Variants in MYH9 observed in about 807,000 individuals in gnomAD.
The protein encoded by MYH9 is myosin-9.
In MYH9, 29 loss-of-function variants were observed where a neutral mutation model predicts 241.9. That is an observed-to-expected ratio of 0.12 (90% confidence interval 0.09 to 0.16). The LOEUF (loss-of-function observed/expected upper bound fraction) is 0.16. MYH9 is among the 10% of genes least tolerant of loss of function. The pLI is 1.00. For missense variants in MYH9, 1,803 were observed against 2,595.5 expected, an observed-to-expected ratio of 0.69 and a Z score of 6.63; for synonymous variants, 1,047 against 1,062.6, an observed-to-expected ratio of 0.99 and a Z score of 0.29.
intron 3 of MYH9, among the ~76,000 whole-genome samples, chr22:36,339,742 T>C (rs1311543891): frequency 1.3e-5 from 2 of 152,128 alleles, no homozygotes. Context: ...TAATGGGACA[T>C]AACAAACCAC....
chr22:36,283,179 C>A (rs1180741026), intron 40 of MYH9, among the ~76,000 whole-genome samples: 2 of 152,150 alleles, frequency 1.3e-5, no homozygotes, highest in Non-Finnish European at 2.9e-5. Flanking sequence ...CAAAGACAGG[C>A]ACCCTCTTTC....
chr22:36,312,016 T>A, intron 14 of MYH9, 33 bp downstream of exon 14: 3 of 1,612,920 alleles, frequency 1.9e-6, no homozygotes, highest in Non-Finnish European at 2.5e-6. Flanking sequence ...CCTGTGAAGA[T>A]CTGGCCAGCA....
At chr22:36,304,649 A>G (rs557225919) in intron 18 of MYH9, among the ~76,000 whole-genome samples, 1 of 152,218 alleles carries the variant, frequency 6.6e-6, no homozygotes, top group Admixed American at 6.5e-5. Context: ...GAGGGAGGAG[A>G]AGCCCAGGTC....
In MYH9 at chr22:36,293,692, A is replaced by T; in HGVS notation, c.3942+67T>A. On this transcript the variant is annotated intron_variant, in intron 29 of 40. Transcript: ENST00000216181. This position sits in a 1 kb window ranked among gnomAD's most constrained non-coding sequence, Gnocchi z 5.1. ...GGGCAATCCGATGGGCTCTGAAGCT[A>T]ATGTTGCGTGGACACAGAGGCCTTT... The T allele has an allele frequency of 7.0e-7, 1 of 1,438,266 alleles. No individual in the cohort carries two copies. The highest frequency in any genetic ancestry group is 9.7e-7 in the Non-Finnish European group (1 of 1,029,804). 89.1% of individuals were successfully genotyped at this position (1,438,266 alleles called of 1,614,324 possible).
rs1193225792 is a variant in MYH9 at position 36,300,761 on chromosome 22, A to T, written c.2838+90T>A. ...TGAGGAGCAGCCTCCTTGGACCCTA[A>T]TTCCATGTTCTCCCAGCTCCTGGTT... On this transcript the variant is annotated intron_variant, in intron 22 of 40. Transcript: ENST00000216181. This position sits in a 1 kb window ranked among gnomAD's most constrained non-coding sequence, Gnocchi z 5.0. 1.4e-6 allele frequency: 2 copies of T among 1,472,716 alleles called. No homozygotes were observed. The highest frequency in any genetic ancestry group is 1.9e-6 in the Non-Finnish European group (2 of 1,071,336). 91.2% of individuals were successfully genotyped at this position (1,472,716 alleles called of 1,614,324 possible). A position where few individuals can be genotyped will look rare whatever the true frequency, so the allele number is the denominator to read the frequency against.
chr22:36,372,761 C>T (rs2018107843), intron 1 of MYH9, among the ~76,000 whole-genome samples: 1 of 152,074 alleles, frequency 6.6e-6, no homozygotes, highest in Non-Finnish European at 1.5e-5. Context: ...CCTGTTCGTG[C>T]CCTCGGTGGG....
chr22:36,364,470 T>C (rs1051191553), intron 1 of MYH9, among the ~76,000 whole-genome samples: 1 of 152,148 alleles, frequency 6.6e-6, no homozygotes, highest in Admixed American at 6.5e-5. Context: ...TCTTCTATCT[T>C]ATTGTCCAAA....
At chr22:36,384,505 C>T (rs565862008) in intron 1 of MYH9, among the ~76,000 whole-genome samples, 6 of 140,038 alleles carry the variant, frequency 4.3e-5, no homozygotes, top group Admixed American at 3.8e-4. Context: ...ATTGCTTGAA[C>T]CCAGGAGGAA....
At chr22:36,325,006 A>T in intron 5 of MYH9, 1 of 727,162 alleles carries the variant, frequency 1.4e-6, no homozygotes, top group Non-Finnish European at 2.6e-6. Context: ...CCCAAGAACC[A>T]GTCACATACT....
At position 36,290,844 on chromosome 22, in the gene MYH9, G is replaced by A. The variant is rs908100882; in HGVS notation, c.4344+1142C>T. ...AGTGCCTCTGCCCAGTGGCGACCCC[G>A]TCTGGGAGGTGAGGAGCATCTCTGC... On this transcript the variant is annotated intron_variant, in intron 31 of 40. Transcript: ENST00000216181. Among the ~76,000 whole-genome samples the A allele has an allele frequency of 7.9e-5, 12 of 151,132 alleles. 1 individual carries two copies. The highest frequency in any genetic ancestry group is 2.0e-4 in the East Asian group (1 of 5,100).
At chr22:36,311,436 G>A (rs755465489) in intron 14 of MYH9, among the ~76,000 whole-genome samples, 9 of 152,076 alleles carry the variant, frequency 5.9e-5, no homozygotes, top group Non-Finnish European at 1.0e-4. Context: ...ACTAAGGACG[G>A]TGCTCCTAAC....
At chr22:36,312,623 A>G (rs943066406) in intron 13 of MYH9, among the ~76,000 whole-genome samples, 3 of 152,184 alleles carry the variant, frequency 2.0e-5, no homozygotes, top group Admixed American at 1.3e-4. Context: ...CTGCATGTCT[A>G]TGATGAGATG....
rs770237894 is a variant in MYH9, at chr22:36,300,183, T to G, written c.2920A>C (p.Lys974Gln). ...ATGATCTGCTCCTCCTCCAGCTTTTTCAGCTTCGCCTCGGTGGTCACCTTC... is the reference window on the plus strand; with the variant it reads ...ATGATCTGCTCCTCCTCCAGCTTTTGCAGCTTCGCCTCGGTGGTCACCTTC... Reference protein sequence around the residue: ...LEKVTTEAKLKKLEEEQIILE... With the variant: ...LEKVTTEAKLQKLEEEQIILE... The change falls in exon 23 of 41, where the codon AAA becomes CAA. Residue 974 changes from lysine (K) to glutamine (Q), a missense_variant. Lys to Gln is a moderately conservative substitution (Grantham distance 53). This residue lies in a region of MYH9 where 290 missense variants were observed against 360.5 expected (regional missense o/e 0.80). Coordinates refer to ENST00000216181, the MANE Select transcript of MYH9 (RefSeq NM_002473.6). This position sits in a 1 kb window ranked among gnomAD's most constrained non-coding sequence, Gnocchi z 5.0. The G allele has an allele frequency of 2.0e-5, 32 of 1,613,274 alleles. No individual in the cohort carries two copies. The South Asian group carries it at 3.3e-4, about 17-fold the overall frequency.
chr22:36,285,010 C>T lies in MYH9; in HGVS notation c.5483+111G>A, dbSNP rs2016555057. On this transcript the variant is annotated intron_variant, in intron 38 of 40. Coordinates refer to ENST00000216181, the MANE Select transcript of MYH9 (RefSeq NM_002473.6). The surrounding 1 kb of genome is among the most constrained non-coding windows in gnomAD (Gnocchi z 7.0). Reference sequence around the variant, plus strand: ...CCCCATCAGGAGGGAGGGAAACAGCCCCAGGCTCAGGAGACAGAGAGCTGG... The same window carrying T: ...CCCCATCAGGAGGGAGGGAAACAGCTCCAGGCTCAGGAGACAGAGAGCTGG... 9.6e-6 allele frequency: 10 copies of T among 1,045,812 alleles called. No individual in the cohort carries two copies. In the South Asian group the frequency reaches 1.3e-4, roughly 13 times the overall value. 64.8% of individuals were successfully genotyped at this position (1,045,812 alleles called of 1,614,324 possible).
intron 10 of MYH9, 86 bp downstream of exon 10, chr22:36,319,454 G>A (rs992347575): frequency 2.5e-5 from 32 of 1,274,058 alleles, no homozygotes; most frequent in Admixed American, 1.3e-4. Context: ...AATAGTGTCC[G>A]GAATTTCCGC....
At chr22:36,289,464 C>T (rs977832167) in intron 31 of MYH9, among the ~76,000 whole-genome samples, 167 bp from the exon 32 acceptor site, 1 of 152,228 alleles carries the variant, frequency 6.6e-6, no homozygotes, top group African/African-American at 2.4e-5. Context: ...CACACAGTCC[C>T]GTGCATCCTC....
At position 36,320,395 on chromosome 22, in the gene MYH9, C is replaced by A; in HGVS notation, c.869-32G>T. ...GGGGTGGAGGGCAAGGGCGCCTCAG[C>A]GAGGTGCTGAAAGTGGAGGCTCCAT... is the stretch of plus-strand genomic sequence containing the variant. On this transcript the variant is annotated intron_variant, in intron 8 of 40. Transcript: ENST00000216181. The surrounding 1 kb of genome is among the most constrained non-coding windows in gnomAD (Gnocchi z 4.8). 3.7e-6 allele frequency: 6 copies of A among 1,609,386 alleles called. No homozygotes were observed. The highest frequency in any genetic ancestry group is 5.1e-6 in the Non-Finnish European group (6 of 1,179,926).
intron 1 of MYH9, among the ~76,000 whole-genome samples, chr22:36,352,353 C>T (rs76521655): frequency 0.024 from 3,582 of 152,314 alleles, 145 homozygotes; most frequent in African/African-American, 0.081. Context: ...TCCCTCGGCC[C>T]GCTACTGTCG....
At chr22:36,338,591 G>A (rs1001413906) in intron 3 of MYH9, among the ~76,000 whole-genome samples, 4 of 151,842 alleles carry the variant, frequency 2.6e-5, no homozygotes, top group East Asian at 2.0e-4. Flanking sequence ...AGGCCGAGGC[G>A]GGTGGATCAT....
Sources: gnomAD v4.1 joint callset for allele counts (sites outside exome capture counted in the v4.1 genomes callset) on GRCh38, gnomAD v4.1.1 for gene constraint, gnomAD v4.1.1 regional missense constraint, Gnocchi (gnomAD v3.1) non-coding constraint, MANE v1.5 for transcripts, NCBI Gene and HGNC (gene_info 2026-07-23, HGNC 2026-07-21) for gene names.